TIMM17A: variants seen among roughly 807,000 people sequenced by gnomAD.
TIMM17A encodes mitochondrial import inner membrane translocase subunit Tim17-A.
Under a neutral mutation model 26.5 loss-of-function variants are expected in TIMM17A, and 15 were observed. The observed-to-expected ratio is 0.57, with a 90% CI of 0.38 to 0.87. The LOEUF (loss-of-function observed/expected upper bound fraction) is 0.87. Among genes scored for constraint, TIMM17A ranks in the 40% least tolerant of loss-of-function variants. TIMM17A has a pLI of 0.00. For synonymous variants in TIMM17A, 80 were observed against 70.8 expected, an observed-to-expected ratio of 1.13 and a Z score of -0.66; for missense variants, 201 against 210.0, an observed-to-expected ratio of 0.96 and a Z score of 0.27.
At chr1:201,967,794 CCCA>C (rs999641282) in intron 5 of TIMM17A, among the ~76,000 whole-genome samples, 109 of 152,202 alleles carry the variant, frequency 7.2e-4, no homozygotes, top group African/African-American at 2.6e-3. Context: ...GCCTCGGCCT[CCCA>C]AAGTGCTGGG....
chr1:201,965,482 A>G lies in TIMM17A; in HGVS notation c.369A>G (p.Leu123=), dbSNP rs1484692545. ...VGSAAMGGIL[L]ALIEGAGILL... is the part of the protein sequence containing the mutation. Reference sequence around the variant, plus strand: ...CAGCCGCAATGGGTGGCATTCTCCTAGCTTTAATTGAAGGAGCTGGTATCT... The same window carrying G: ...CAGCCGCAATGGGTGGCATTCTCCTGGCTTTAATTGAAGGAGCTGGTATCT... Residue 123 remains leucine, a synonymous_variant, in exon 5 of 6, where the codon CTA becomes CTG. Coordinates refer to ENST00000367287, the MANE Select transcript of TIMM17A (RefSeq NM_006335.3). The G allele has an allele frequency of 6.2e-6, 10 of 1,614,206 alleles. No homozygotes were observed. The South Asian group carries it at 9.9e-5, about 16-fold the overall frequency.
chr1:201,967,769 C>T (rs74805775), intron 5 of TIMM17A, among the ~76,000 whole-genome samples: 2,616 of 152,078 alleles, frequency 0.017, 76 homozygotes, highest in African/African-American at 0.06. Context: ...CTCCTGGGCT[C>T]AAGCGATCCT....
intron 3 of TIMM17A, chr1:201,962,376 T>G (rs1192433785): frequency 6.6e-6 from 1 of 152,312 alleles, no homozygotes; most frequent in Non-Finnish European, 1.5e-5. Context: ...AGACGGAGTC[T>G]CGCTCTGTCG....
chr1:201,958,394 TA>T (rs2102941558), intron 3 of TIMM17A, among the ~76,000 whole-genome samples: 1 of 152,340 alleles, frequency 6.6e-6, no homozygotes, highest in East Asian at 1.9e-4. Flanking sequence ...GTTTGTAGGT[TA>T]TATTCACTTA....
At position 201,963,686 on chromosome 1, in the gene TIMM17A, A is replaced by G; in HGVS notation, c.261A>G (p.Glu87=). Residue 87 remains glutamate, a synonymous_variant, in exon 4 of 6, where the codon GAA becomes GAG. Transcript: ENST00000367287. ...DCSMVQVRGK[E]DPWNSITSGA... ...GTATGGTTCAAGTCAGAGGAAAGGA[A>G]GATCCCTGGAACTCCATCACAAGTG... is the stretch of plus-strand genomic sequence containing the variant. 1.2e-6 allele frequency: 2 copies of G among 1,612,106 alleles called. No individual in the cohort carries two copies. The highest frequency in any genetic ancestry group is 1.7e-6 in the Non-Finnish European group (2 of 1,179,518).
intron 3 of TIMM17A, among the ~76,000 whole-genome samples, chr1:201,961,287 G>A (rs1051023372): frequency 3.9e-5 from 6 of 151,930 alleles, no homozygotes; most frequent in South Asian, 2.1e-4. Flanking sequence ...GGCTGGTCTC[G>A]AACTCTTGAG....
intron 5 of TIMM17A, 100 bp from the exon 6 acceptor site, chr1:201,969,369 T>G: frequency 1.1e-6 from 1 of 937,768 alleles, no homozygotes; most frequent in Non-Finnish European, 1.6e-6. Context: ...ATTTAGCACA[T>G]TTTTTTGTTG....
In TIMM17A at chr1:201,970,016, C is replaced by T. The variant is rs1251575986; in HGVS notation, c.*462C>T. The T allele has an allele frequency of 1.3e-5, 2 of 154,232 alleles. No individual in the cohort carries two copies. The highest frequency in any genetic ancestry group is 1.4e-5 in the Non-Finnish European group (1 of 69,438). The allele number at this position is 154,232 out of a possible 1,614,324, so 9.6% of individuals were successfully genotyped here. On this transcript the variant is annotated 3_prime_UTR_variant, in exon 6 of 6. Transcript: ENST00000367287. Reference sequence around the variant, plus strand: ...AATAATGCATGTTTTATAGTTAGTCCCTCATCACTTGAAGTGACTTCTGAG... The same window carrying T: ...AATAATGCATGTTTTATAGTTAGTCTCTCATCACTTGAAGTGACTTCTGAG...
intron 5 of TIMM17A, 134 bp downstream of exon 5, chr1:201,965,677 G>A: frequency 1.4e-5 from 9 of 654,958 alleles, no homozygotes; most frequent in South Asian, 4.1e-5. Flanking sequence ...TGTGATAATA[G>A]GTAAAAAATG....
chr1:201,957,729 T>C, intron 3 of TIMM17A, 155 bp downstream of exon 3: 1 of 599,228 alleles, frequency 1.7e-6, no homozygotes, highest in Non-Finnish European at 2.8e-6. Context: ...GATTTGTAGT[T>C]TGTTTGAAAA....
rs1315380047 is a variant in TIMM17A, at chr1:201,963,679, G to A, written c.254G>A (p.Gly85Glu). Residue 85 changes from glycine to glutamate, a missense_variant, in exon 4 of 6, where the codon GGA becomes GAA. By Grantham distance (98) the Gly-to-Glu change is moderately conservative. Transcript: ENST00000367287. ...GACTGTAGTATGGTTCAAGTCAGAG[G>A]AAAGGAAGATCCCTGGAACTCCATC... ...MIDCSMVQVR[G>E]KEDPWNSITS... 6 of 1,611,560 alleles carry A rather than the reference G, an allele frequency of 3.7e-6. No individual in the cohort carries two copies. The highest frequency in any genetic ancestry group is 1.7e-5 in the Admixed American group (1 of 59,170).
At chr1:201,957,605 T>A in intron 3 of TIMM17A, 31 bp downstream of exon 3, 1 of 1,548,200 alleles carries the variant, frequency 6.5e-7, no homozygotes, top group African/African-American at 1.4e-5. Context: ...AACTGAACTA[T>A]TTTTTTCTGT....
chr1:201,956,609 A>G (rs1682414808), intron 1 of TIMM17A, among the ~76,000 whole-genome samples: 1 of 152,222 alleles, frequency 6.6e-6, no homozygotes, highest in Non-Finnish European at 1.5e-5. Context: ...TGTTTGATGT[A>G]CTATAATGAC....
In TIMM17A at chr1:201,965,430, C is replaced by G; in HGVS notation, c.320-3C>G. On this transcript the variant is annotated splice_polypyrimidine_tract_variant and splice_region_variant and intron_variant, in intron 4 of 5. Transcript: ENST00000367287. ...ATAATCTCTTTGTTATTAATGTCTT[C>G]AGATGGACCAGTGGCCATGGTTGGG... 6.3e-7 allele frequency: 1 copy of G among 1,590,080 alleles called. No individual in the cohort carries two copies.
intron 4 of TIMM17A, 115 bp from the exon 5 acceptor site, chr1:201,965,318 A>G (rs1234070196): frequency 1.4e-6 from 1 of 715,470 alleles, no homozygotes; most frequent in Non-Finnish European, 2.4e-6. Flanking sequence ...GGCAATAAGA[A>G]AGAGTTTGGG....
At chr1:201,957,739 A>C in intron 3 of TIMM17A, 165 bp downstream of exon 3, 1 of 565,696 alleles carries the variant, frequency 1.8e-6, no homozygotes, top group Non-Finnish European at 3.1e-6. Flanking sequence ...TTGTTTGAAA[A>C]ATTAACCTGA....
intron 3 of TIMM17A, 109 bp downstream of exon 3, chr1:201,957,683 GT>G: frequency 1.1e-6 from 1 of 921,888 alleles, no homozygotes; most frequent in African/African-American, 1.7e-5. Flanking sequence ...TGGTCTAACG[GT>G]TTGTCACAAA....
At chr1:201,958,418 C>T (rs1277662912) in intron 3 of TIMM17A, among the ~76,000 whole-genome samples, 2 of 152,204 alleles carry the variant, frequency 1.3e-5, no homozygotes, top group Non-Finnish European at 2.9e-5. Flanking sequence ...AAGGTATAGT[C>T]AGGGTTGGGC....
intron 4 of TIMM17A, 115 bp downstream of exon 4, chr1:201,963,859 C>A: frequency 1.7e-6 from 2 of 1,169,076 alleles, no homozygotes; most frequent in Non-Finnish European, 2.3e-6. Flanking sequence ...GGCACATTGG[C>A]TCATGACTAT....
Sources: gnomAD v4.1 joint callset for allele counts (sites outside exome capture counted in the v4.1 genomes callset) on GRCh38, gnomAD v4.1.1 for gene constraint, MANE v1.5 for transcripts, NCBI Gene and HGNC (gene_info 2026-07-23, HGNC 2026-07-21) for gene names.